CCSER2: variants seen among roughly 807,000 people sequenced by gnomAD.
CCSER2 encodes serine-rich coiled-coil domain-containing protein 2.
In CCSER2, 46 loss-of-function variants were observed where a neutral mutation model predicts 92.3. That is an observed-to-expected ratio of 0.50 (90% CI 0.39 to 0.64). The LOEUF (loss-of-function observed/expected upper bound fraction) is 0.64, where lower values mean the gene tolerates loss of function less well. Ranked by LOEUF, CCSER2 falls within the 30% of genes least tolerant of loss-of-function variation. The probability of loss-of-function intolerance (pLI) is 0.00; values close to 1 mark genes in which losing one functional copy is unlikely to be tolerated. For synonymous variants in CCSER2, 433 were observed against 431.4 expected, an observed-to-expected ratio of 1.00 and a Z score of -0.04; for missense variants, 1,244 against 1,238.9, an observed-to-expected ratio of 1.00 and a Z score of -0.06.
chr10:84,513,075 C>A (rs1182408589), intron 9 of CCSER2, among the ~76,000 whole-genome samples: 1 of 151,978 alleles, frequency 6.6e-6, no homozygotes, highest in East Asian at 1.9e-4. Flanking sequence ...ACCGTTAACA[C>A]CTGAATGTTT....
At chr10:84,408,866 T>C (rs1184048679) in intron 3 of CCSER2, among the ~76,000 whole-genome samples, 1 of 152,176 alleles carries the variant, frequency 6.6e-6, no homozygotes, top group Non-Finnish European at 1.5e-5. Flanking sequence ...AAATGTTTCT[T>C]GAGAGGATAT....
intron 1 of CCSER2, among the ~76,000 whole-genome samples, chr10:84,370,283 G>T (rs1040929908): frequency 1.3e-5 from 2 of 152,044 alleles, no homozygotes; most frequent in Admixed American, 1.3e-4. Flanking sequence ...ATTTCCATTC[G>T]TTTGCATTGT....
At position 84,513,470 on chromosome 10, in the gene CCSER2, A is replaced by G. The variant is rs1849471615; in HGVS notation, c.2347A>G (p.Ser783Gly). 1 of 1,610,224 alleles carries G rather than the reference A, an allele frequency of 6.2e-7. No homozygotes were observed. The highest frequency in any genetic ancestry group is 8.5e-7 in the Non-Finnish European group (1 of 1,177,802). ...ACAGCCTCAAGTACTACAGCCTTCCAGCAGCCTTCCCAGACCCACAGATCA... is the reference window on the plus strand; with the variant it reads ...ACAGCCTCAAGTACTACAGCCTTCCGGCAGCCTTCCCAGACCCACAGATCA... ...RIPPQVLQPS[S>G]SLPRPTDHTQ... The change falls in exon 10 of 10, where the codon AGC becomes GGC. Residue 783 changes from serine to glycine, a missense_variant. Transcript: ENST00000372088.
At chr10:84,374,553 G>C (rs897151165) in intron 3 of CCSER2, among the ~76,000 whole-genome samples, 8 of 152,170 alleles carry the variant, frequency 5.3e-5, no homozygotes, top group African/African-American at 1.9e-4. Context: ...TTCATGATCT[G>C]TTGACCAGAA....
At chr10:84,436,634 CA>C (rs71013322) in intron 5 of CCSER2, among the ~76,000 whole-genome samples, 254 of 93,874 alleles carry the variant, frequency 2.7e-3, no homozygotes, top group African/African-American at 5.1e-3. Flanking sequence ...GACTCCGTCT[CA>C]AAAAAAAAAA....
At chr10:84,512,450 G>A (rs1383422700) in intron 9 of CCSER2, among the ~76,000 whole-genome samples, 1 of 129,354 alleles carries the variant, frequency 7.7e-6, no homozygotes, top group East Asian at 2.4e-4. Context: ...AAATACCCCT[G>A]TATCAGGACA....
At chr10:84,399,937 C>T (rs1391074405) in intron 3 of CCSER2, among the ~76,000 whole-genome samples, 1 of 151,664 alleles carries the variant, frequency 6.6e-6, no homozygotes, top group Non-Finnish European at 1.5e-5. Flanking sequence ...AAGTAACCAT[C>T]TTACTGGGCG....
chr10:84,499,240 A>G (rs760111932), intron 9 of CCSER2, among the ~76,000 whole-genome samples: 2 of 152,060 alleles, frequency 1.3e-5, no homozygotes, highest in African/African-American at 2.4e-5. Flanking sequence ...GGTTCAAGCA[A>G]TTCTCCTGCC....
chr10:84,338,450 A>G (rs964612877), intron 1 of CCSER2, among the ~76,000 whole-genome samples: 2 of 152,152 alleles, frequency 1.3e-5, no homozygotes, highest in African/African-American at 4.8e-5. Context: ...TACTTTCACA[A>G]TACAAATATA....
At chr10:84,467,162 G>A (rs1846495027) in intron 7 of CCSER2, among the ~76,000 whole-genome samples, 1 of 152,120 alleles carries the variant, frequency 6.6e-6, no homozygotes, top group Admixed American at 6.6e-5. Context: ...CGTTTGACAT[G>A]ACCTTTGTTT....
At chr10:84,353,554 C>A (rs1305219331) in intron 1 of CCSER2, among the ~76,000 whole-genome samples, 1 of 152,200 alleles carries the variant, frequency 6.6e-6, no homozygotes, top group East Asian at 1.9e-4. Context: ...GTCCCTACTT[C>A]CTGCAGCCCC....
intron 3 of CCSER2, among the ~76,000 whole-genome samples, chr10:84,393,367 C>T (rs988329598): frequency 2.6e-5 from 4 of 152,070 alleles, no homozygotes; most frequent in African/African-American, 7.2e-5. Context: ...TAAAAGGCTG[C>T]GTAAATGTCA....
intron 5 of CCSER2, among the ~76,000 whole-genome samples, chr10:84,435,401 A>G (rs1450534936): frequency 2.6e-5 from 4 of 152,208 alleles, no homozygotes. Flanking sequence ...TCCATATTCC[A>G]TACCTGATTC....
At chr10:84,361,764 C>T (rs1036422905) in intron 1 of CCSER2, among the ~76,000 whole-genome samples, 1 of 152,014 alleles carries the variant, frequency 6.6e-6, no homozygotes, top group Non-Finnish European at 1.5e-5. Flanking sequence ...CCTCAGCCTC[C>T]CGAGTAGCTG....
chr10:84,438,345 T>G (rs1461724346), intron 5 of CCSER2, among the ~76,000 whole-genome samples, 167 bp from the exon 6 acceptor site: 1 of 152,238 alleles, frequency 6.6e-6, no homozygotes, highest in African/African-American at 2.4e-5. Context: ...TACAGCTGAT[T>G]GCGCCTTTTG....
chr10:84,391,918 C>T (rs1841540534), intron 3 of CCSER2: 11 of 1,345,836 alleles, frequency 8.2e-6, no homozygotes, highest in Middle Eastern at 2.6e-4. Flanking sequence ...AAAAGATGAT[C>T]TCAGAGACAC....
chr10:84,496,804 CA>C (rs1222596453), intron 9 of CCSER2, among the ~76,000 whole-genome samples: 1 of 151,990 alleles, frequency 6.6e-6, no homozygotes, highest in African/African-American at 2.4e-5. Flanking sequence ...ATACATTAGG[CA>C]AAAAGAAAAT....
rs1182773588 is a variant in CCSER2, at chr10:84,363,147, AT to A, written c.-39-7849del. On this transcript the variant is annotated intron_variant, in intron 1 of 9. Coordinates refer to ENST00000372088, the MANE Select transcript of CCSER2 (RefSeq NM_001284240.2). Reference sequence around the variant, plus strand: ...CAGGTGTGAGCCACCACACCCAGCTATTTTTTTTTTTTTTTTTTGTATTTTT... The same window carrying A: ...CAGGTGTGAGCCACCACACCCAGCTATTTTTTTTTTTTTTTTTGTATTTTT... Among the ~76,000 whole-genome samples, 378 of 84,360 alleles carry A rather than the reference AT, an allele frequency of 4.5e-3. 1 individual carries two copies. The highest frequency in any genetic ancestry group is 5.2e-3 in the Non-Finnish European group (239 of 46,180). The allele number at this position is 84,360 out of a possible 152,430, so 55.3% of individuals were successfully genotyped here. A position where few individuals can be genotyped will look rare whatever the true frequency, so the allele number is the denominator to read the frequency against.
At chr10:84,439,233 G>A (rs908382368) in intron 6 of CCSER2, among the ~76,000 whole-genome samples, 21 of 138,600 alleles carry the variant, frequency 1.5e-4, no homozygotes, top group Middle Eastern at 4.1e-3. Flanking sequence ...ACTCATAGCA[G>A]TGATGTCACT....
Sources: gnomAD v4.1 joint callset for allele counts (sites outside exome capture counted in the v4.1 genomes callset) on GRCh38, gnomAD v4.1.1 for gene constraint, MANE v1.5 for transcripts, NCBI Gene and HGNC (gene_info 2026-07-23, HGNC 2026-07-21) for gene names.